The following RFC5 variants were observed in gnomAD, a reference collection of about 807,000 sequenced individuals.
RFC5 encodes the protein replication factor C subunit 5, also known as A1 36 kDa subunit.
In RFC5, 26 loss-of-function variants were observed where a neutral mutation model predicts 44.3. The observed-to-expected ratio is 0.59, with a 90% CI of 0.43 to 0.81. The LOEUF (loss-of-function observed/expected upper bound fraction) is 0.81. Among genes scored for constraint, RFC5 ranks in the 40% least tolerant of loss-of-function variants. The pLI is 0.00. For missense variants in RFC5, 328 were observed against 418.6 expected (o/e 0.78, Z 1.89); for synonymous variants, 155 against 155.2 (o/e 1.00, Z 0.01).
chr12:118,030,099 T>C (rs1451197889), intron 10 of RFC5, among the ~76,000 whole-genome samples: 1 of 152,156 alleles, frequency 6.6e-6, no homozygotes, highest in African/African-American at 2.4e-5. Context: ...ATTCTGAAAA[T>C]GCCCTTGTTA....
chr12:118,019,795 A>G lies in RFC5; in HGVS notation c.267+27A>G. 1 of 1,593,524 alleles carries G rather than the reference A, an allele frequency of 6.3e-7. No homozygotes were observed. Among genetic ancestry groups the G allele is most frequent in the Non-Finnish European group, 8.6e-7 (1 of 1,166,318 alleles). On this transcript the variant is annotated intron_variant, in intron 3 of 10. Transcript: ENST00000454402. This position sits in a 1 kb window ranked among gnomAD's most constrained non-coding sequence, Gnocchi z 4.2. ...TAAATAAGATTGTTCTTACTCTACA[A>G]ATAACTTAAGAGACTCCAGTCTCTT...
In RFC5 at chr12:118,019,763, T is replaced by C. The variant is rs759964008; in HGVS notation, c.262T>C (p.Leu88=). 36 of 1,613,326 alleles carry C rather than the reference T, an allele frequency of 2.2e-5. No homozygotes were observed. Among genetic ancestry groups the C allele is most frequent in the Non-Finnish European group, 1.9e-5 (23 of 1,179,490 alleles). Residue 88 remains leucine (L), a synonymous_variant, in exon 3 of 11, where the codon TTG becomes CTG. Coordinates refer to ENST00000454402, the MANE Select transcript of RFC5 (RefSeq NM_007370.7). The surrounding 1 kb of genome is among the most constrained non-coding windows in gnomAD (Gnocchi z 4.2). ...AGACAAAGAATTTGGCTCCATGGTC[T>C]TGGAGGTAAATAAGATTGTTCTTAC... The part of the protein sequence containing the change: ...YKDKEFGSMV[L]ELNASDDRGI...
chr12:118,034,206 C>T (rs572067248), downstream of RFC5: 28 of 1,614,154 alleles, frequency 1.7e-5, no homozygotes, highest in East Asian at 5.8e-4. Context: ...TTAAAAAGTC[C>T]TGTATGTGAG....
At chr12:118,029,432 T>C (rs1356177429) in intron 9 of RFC5, among the ~76,000 whole-genome samples, 1 of 152,128 alleles carries the variant, frequency 6.6e-6, no homozygotes, top group Non-Finnish European at 1.5e-5. Flanking sequence ...CAAAATAAAG[T>C]AAAATATAAA....
At chr12:118,017,779 TC>T (rs1345828479) in intron 1 of RFC5, 2 of 657,812 alleles carry the variant, frequency 3.0e-6, no homozygotes, top group African/African-American at 3.6e-5. Context: ...CAAGCCATTC[TC>T]CTGCCTCAGC....
chr12:118,024,614 T>C (rs2030803938), intron 5 of RFC5, among the ~76,000 whole-genome samples: 1 of 151,828 alleles, frequency 6.6e-6, no homozygotes, highest in Admixed American at 6.6e-5. Flanking sequence ...TCAGTAGAGG[T>C]TTTGCCATGT....
At chr12:118,020,222 G>A (rs1566121352) in intron 3 of RFC5, among the ~76,000 whole-genome samples, 1 of 152,168 alleles carries the variant, frequency 6.6e-6, no homozygotes, top group Non-Finnish European at 1.5e-5. Context: ...CTTCCCTGGG[G>A]GCTGACACAG....
chr12:118,029,913 T>A, intron 10 of RFC5, 88 bp downstream of exon 10: 1 of 1,021,864 alleles, frequency 9.8e-7, no homozygotes, highest in Non-Finnish European at 1.5e-6. Context: ...GGTTTCAGGT[T>A]TTTTTCCTAA....
At chr12:118,035,236 G>A, downstream of RFC5, 1 of 1,614,222 alleles carries the variant, frequency 6.2e-7, no homozygotes, top group Non-Finnish European at 8.5e-7. Flanking sequence ...ACCGTGGCAA[G>A]GTACAAGCCT....
chr12:118,038,472 C>T, the RFC5 span: 1 of 1,305,702 alleles, frequency 7.7e-7, no homozygotes. Context: ...GTGGTAACAG[C>T]CCCCAGCCCA....
chr12:118,032,342 G>A (rs984410294), downstream of RFC5: 1 of 152,186 alleles, frequency 6.6e-6, no homozygotes, highest in Non-Finnish European at 1.5e-5. Flanking sequence ...CTAAATATCT[G>A]ATGGCCAACC....
intron 6 of RFC5, 160 bp downstream of exon 6, chr12:118,025,170 C>T (rs2030851191): frequency 8.8e-6 from 5 of 567,102 alleles, no homozygotes; most frequent in Non-Finnish European, 1.5e-5. Context: ...ATCATTTTCT[C>T]TGCTGTCTCA....
chr12:118,035,178 G>T, downstream of RFC5: 1 of 1,613,400 alleles, frequency 6.2e-7, no homozygotes, highest in Middle Eastern at 1.6e-4. Context: ...GCAAGCACTT[G>T]TTCTGAGGCC....
rs202141650 is a variant in RFC5, at chr12:118,016,905, C to T, written c.65+13C>T. ...GGAACCTGCCCTGGTAGGAGGAGGC[C>T]GAGCGGCGGCGGTGGGCAGAGGGGG... On this transcript the variant is annotated intron_variant, in intron 1 of 10. Transcript: ENST00000454402. 29 of 1,610,946 alleles carry T rather than the reference C, an allele frequency of 1.8e-5. No homozygotes were observed. The East Asian group carries it at 6.3e-4, about 35-fold the overall frequency.
intron 1 of RFC5, chr12:118,017,746 G>T (rs1469944219): frequency 1.4e-5 from 9 of 664,258 alleles, no homozygotes; most frequent in Non-Finnish European, 2.4e-5. Context: ...TCACAGCTCA[G>T]TGTAACCTCA....
At chr12:118,040,595 T>C in the RFC5 span, among the ~76,000 whole-genome samples, 3 of 149,816 alleles carry the variant, frequency 2.0e-5, no homozygotes, top group South Asian at 6.3e-4. Context: ...ACCCCGTCTC[T>C]ACTAAAAATA....
the RFC5 span, among the ~76,000 whole-genome samples, chr12:118,039,003 G>A: frequency 6.6e-6 from 1 of 152,146 alleles, no homozygotes; most frequent in South Asian, 2.1e-4. Context: ...TGATAGCAGA[G>A]AATGTTCTTT....
intron 9 of RFC5, 102 bp downstream of exon 9, chr12:118,028,132 C>G: frequency 1.3e-6 from 1 of 751,616 alleles, no homozygotes; most frequent in Non-Finnish European, 2.4e-6. Context: ...AGCAAAGAAA[C>G]TAATGAATTG....
downstream of RFC5, chr12:118,034,133 C>G: frequency 6.3e-7 from 1 of 1,597,656 alleles, no homozygotes; most frequent in South Asian, 1.1e-5. Context: ...GCCCATTATT[C>G]CAGCAACTCC....
Sources: gnomAD v4.1 joint callset for allele counts (sites outside exome capture counted in the v4.1 genomes callset) on GRCh38, gnomAD v4.1.1 for gene constraint, Gnocchi (gnomAD v3.1) non-coding constraint, MANE v1.5 for transcripts, NCBI Gene and HGNC (gene_info 2026-07-23, HGNC 2026-07-21) for gene names.